The following STK32B variants were observed in gnomAD, a reference collection of about 807,000 sequenced individuals.
The protein encoded by STK32B is serine/threonine-protein kinase 32B.
A neutral mutation model predicts 52.6 loss-of-function variants in STK32B; 43 were observed. The observed-to-expected ratio is 0.82, with a 90% confidence interval of 0.64 to 1.05. The LOEUF is 1.05. STK32B is among the 50% of genes least tolerant of loss of function. The probability of loss-of-function intolerance (pLI) is 0.00; values close to 1 mark genes in which losing one functional copy is unlikely to be tolerated. For synonymous variants in STK32B, 238 were observed against 204.3 expected (o/e 1.17, Z -1.41); for missense variants, 621 against 534.6 (o/e 1.16, Z -1.59).
chr4:5,486,215 T>G (rs1436861269), intron 11 of STK32B, among the ~76,000 whole-genome samples: 1 of 152,204 alleles, frequency 6.6e-6, no homozygotes, highest in Non-Finnish European at 1.5e-5. Context: ...CTGGCCTCCT[T>G]GAGCCGTAGT....
chr4:5,224,481 A>T (rs1025482502), intron 3 of STK32B, among the ~76,000 whole-genome samples: 1 of 152,188 alleles, frequency 6.6e-6, no homozygotes, highest in African/African-American at 2.4e-5. Context: ...CCAATCAAGG[A>T]TCCTCTGAGA....
At chr4:5,093,690 T>C (rs1341161204) in intron 1 of STK32B, among the ~76,000 whole-genome samples, 3 of 151,216 alleles carry the variant, frequency 2.0e-5, no homozygotes, top group Non-Finnish European at 2.9e-5. Flanking sequence ...TGTGCACATG[T>C]ACCCTAAAAC....
At chr4:5,087,486 A>G (rs1195472540) in intron 1 of STK32B, among the ~76,000 whole-genome samples, 1 of 152,026 alleles carries the variant, frequency 6.6e-6, no homozygotes, top group Non-Finnish European at 1.5e-5. Context: ...TAAACTCTCC[A>G]ATTAAAAGAT....
At chr4:5,274,718 C>A (rs981071991) in intron 3 of STK32B, among the ~76,000 whole-genome samples, 1 of 152,104 alleles carries the variant, frequency 6.6e-6, no homozygotes, top group African/African-American at 2.4e-5. Context: ...GCTCTGTTTT[C>A]ACTCTTTTTC....
chr4:5,271,859 C>T (rs1727454312), intron 3 of STK32B, among the ~76,000 whole-genome samples: 1 of 139,844 alleles, frequency 7.2e-6, no homozygotes, highest in African/African-American at 3.2e-5. Context: ...GATTTTGTAT[C>T]CTGAGACTTT....
chr4:5,028,338 T>C, the STK32B span, among the ~76,000 whole-genome samples: 2 of 152,332 alleles, frequency 1.3e-5, no homozygotes, highest in African/African-American at 4.8e-5. Flanking sequence ...TGGATGATTT[T>C]CTATTTGTGT....
chr4:5,034,100 C>CG, the STK32B span, among the ~76,000 whole-genome samples: 2 of 152,162 alleles, frequency 1.3e-5, no homozygotes, highest in Non-Finnish European at 2.9e-5. Context: ...CGTTTCCAGG[C>CG]GGGGACATAG....
chr4:5,134,541 C>T (rs1296513864), intron 1 of STK32B, among the ~76,000 whole-genome samples: 3 of 152,156 alleles, frequency 2.0e-5, no homozygotes, highest in African/African-American at 4.8e-5. Context: ...AATAAATTAC[C>T]CAGTCTGTGG....
At chr4:5,177,488 C>T (rs1006406378) in intron 3 of STK32B, among the ~76,000 whole-genome samples, 15 of 152,182 alleles carry the variant, frequency 9.9e-5, no homozygotes, top group African/African-American at 3.6e-4. Flanking sequence ...TGCCCCTGGT[C>T]CCTCCCAGAT....
chr4:5,306,907 C>G (rs11732431), intron 3 of STK32B, among the ~76,000 whole-genome samples: 36,151 of 151,964 alleles, frequency 0.24, 7,058 homozygotes, highest in African/African-American at 0.55. Flanking sequence ...GCTTAGTTTT[C>G]CTGCACACAA....
At chr4:5,464,898 A>T (rs1337372848) in intron 9 of STK32B, among the ~76,000 whole-genome samples, 1 of 152,180 alleles carries the variant, frequency 6.6e-6, no homozygotes, top group Non-Finnish European at 1.5e-5. Context: ...CAGGTAAAAC[A>T]GGTCTGGAGA....
chr4:5,041,303 TGAC>T, the STK32B span, among the ~76,000 whole-genome samples: 1 of 151,502 alleles, frequency 6.6e-6, no homozygotes, highest in Non-Finnish European at 1.5e-5. Flanking sequence ...AGAGTGTTCA[TGAC>T]GACTCCCTTA....
intron 1 of STK32B, among the ~76,000 whole-genome samples, chr4:5,085,616 G>C (rs565308245): frequency 6.6e-6 from 1 of 152,178 alleles, no homozygotes. Flanking sequence ...GAAAATGGCC[G>C]AGTAAGGAAC....
At chr4:5,477,892 A>T (rs554979260) in intron 11 of STK32B, among the ~76,000 whole-genome samples, 83 of 152,056 alleles carry the variant, frequency 5.5e-4, no homozygotes, top group African/African-American at 2.0e-3. Flanking sequence ...CATCCGTCAG[A>T]CCCCCAGTGC....
rs548728881 is a variant in STK32B at position 5,467,885 on chromosome 4, G to A, written c.1042-121G>A. On this transcript the variant is annotated intron_variant, in intron 10 of 11. Coordinates refer to ENST00000282908, the MANE Select transcript of STK32B (RefSeq NM_018401.3). The surrounding 1 kb of genome is among the most constrained non-coding windows in gnomAD (Gnocchi z 5.8). Reference sequence around the variant, plus strand: ...CAGCCCCAGACACTTAGCTTGGCTTGTCCCGGTCCCAAGCATCTGAGGTTT... The same window carrying A: ...CAGCCCCAGACACTTAGCTTGGCTTATCCCGGTCCCAAGCATCTGAGGTTT... 582 of 1,119,944 alleles carry A rather than the reference G, an allele frequency of 5.2e-4. 3 individuals are homozygous for A. Among genetic ancestry groups the A allele is most frequent in the Middle Eastern group, 2.3e-3 (8 of 3,510 alleles). 69.4% of individuals were successfully genotyped at this position (1,119,944 alleles called of 1,614,324 possible). A position where few individuals can be genotyped will look rare whatever the true frequency, so the allele number is the denominator to read the frequency against.
At chr4:5,421,931 A>G (rs183363589) in intron 6 of STK32B, among the ~76,000 whole-genome samples, 4 of 152,336 alleles carry the variant, frequency 2.6e-5, no homozygotes, top group African/African-American at 9.6e-5. Context: ...TTTGAAGCCA[A>G]GTCTATTTTG....
At chr4:5,481,727 T>A (rs1336177528) in intron 11 of STK32B, among the ~76,000 whole-genome samples, 2 of 152,212 alleles carry the variant, frequency 1.3e-5, no homozygotes, top group Non-Finnish European at 2.9e-5. Flanking sequence ...GGTCTAACAT[T>A]TAAGTCTTTA....
chr4:5,293,256 G>A (rs1406567930), intron 3 of STK32B, among the ~76,000 whole-genome samples: 1 of 152,020 alleles, frequency 6.6e-6, no homozygotes, highest in Non-Finnish European at 1.5e-5. Context: ...AAACATGTGT[G>A]CATGTGTCTT....
chr4:5,186,035 C>A (rs1182295697), intron 3 of STK32B, among the ~76,000 whole-genome samples: 1 of 152,200 alleles, frequency 6.6e-6, no homozygotes, highest in East Asian at 1.9e-4. Flanking sequence ...TGCGAGAACT[C>A]CTGCTCATCC....
Sources: gnomAD v4.1 joint callset for allele counts (sites outside exome capture counted in the v4.1 genomes callset) on GRCh38, gnomAD v4.1.1 for gene constraint, Gnocchi (gnomAD v3.1) non-coding constraint, MANE v1.5 for transcripts, NCBI Gene and HGNC (gene_info 2026-07-23, HGNC 2026-07-21) for gene names.